The following WBP4 variants were observed in gnomAD, a reference collection of about 807,000 sequenced individuals.
The protein encoded by WBP4 is WW domain binding protein 4, also known as WW domain-binding protein 4.
A neutral mutation model predicts 55.4 loss-of-function variants in WBP4; 37 were observed. That is an observed-to-expected ratio of 0.67 (90% CI 0.51 to 0.88). The LOEUF (loss-of-function observed/expected upper bound fraction) is 0.88, where lower values mean the gene tolerates loss of function less well. WBP4 is among the 40% of genes least tolerant of loss of function. The probability of loss-of-function intolerance (pLI) is 0.00; values close to 1 mark genes in which losing one functional copy is unlikely to be tolerated. For synonymous variants in WBP4, 142 were observed against 140.2 expected, an observed-to-expected ratio of 1.01 and a Z score of -0.09; for missense variants, 398 against 420.8, an observed-to-expected ratio of 0.95 and a Z score of 0.47.
chr13:41,073,918 C>T (rs972234451), intron 7 of WBP4, among the ~76,000 whole-genome samples: 5 of 151,862 alleles, frequency 3.3e-5, no homozygotes, highest in Admixed American at 2.6e-4. Flanking sequence ...TGCATAAATA[C>T]TAATTGTTAT....
intron 8 of WBP4, among the ~76,000 whole-genome samples, chr13:41,079,758 C>A (rs1439037479): frequency 6.6e-6 from 1 of 152,126 alleles, no homozygotes; most frequent in African/African-American, 2.4e-5. Context: ...AAGATACTTG[C>A]ACTCATATAT....
At chr13:41,064,393 G>C (rs1877850714) in intron 2 of WBP4, among the ~76,000 whole-genome samples, 1 of 152,090 alleles carries the variant, frequency 6.6e-6, no homozygotes, top group South Asian at 2.1e-4. Context: ...TATATCTATA[G>C]AATAAATTAC....
Position 41,065,213 on chromosome 13 carries a change from A to T in WBP4, c.188A>T (p.Lys63Met), listed in dbSNP as rs1305124955. ...DKAKEEEKAS[K>M]EFAAMEAAAL... ...GCAAAGGAAGAAGAAAAGGCATCAA[A>T]GGAGTTTGCTGCAATGGAGGCAGCT... Residue 63 changes from lysine to methionine, a missense_variant, in exon 4 of 10, where the codon AAG (lysine) becomes ATG (methionine). Coordinates refer to ENST00000379487, the MANE Select transcript of WBP4 (RefSeq NM_007187.5). 2.5e-6 allele frequency: 4 copies of T among 1,612,782 alleles called. No individual in the cohort carries two copies. In the African/African-American group the frequency reaches 5.3e-5, roughly 22 times the overall value.
intron 8 of WBP4, among the ~76,000 whole-genome samples, chr13:41,076,721 C>G (rs535961542): frequency 6.6e-6 from 1 of 152,304 alleles, no homozygotes; most frequent in Admixed American, 6.5e-5. Flanking sequence ...ACATTATTAG[C>G]ATTGAGCAAT....
chr13:41,083,177 G>C lies in WBP4; in HGVS notation c.*263G>C. 1 of 317,470 alleles carries C rather than the reference G, an allele frequency of 3.1e-6. No homozygotes were observed. Among genetic ancestry groups the C allele is most frequent in the Non-Finnish European group, 5.9e-6 (1 of 170,860 alleles). 19.7% of individuals were successfully genotyped at this position (317,470 alleles called of 1,614,324 possible). A position where few individuals can be genotyped will look rare whatever the true frequency, so the allele number is the denominator to read the frequency against. ...ATTAAGTCATAATTTAAGATGCTAT[G>C]TATCTGTTATTTAAAACATGGAGAA... On this transcript the variant is annotated 3_prime_UTR_variant, in exon 10 of 10. Coordinates refer to ENST00000379487, the MANE Select transcript of WBP4 (RefSeq NM_007187.5).
At chr13:41,069,174 A>G (rs1237938951) in intron 5 of WBP4, among the ~76,000 whole-genome samples, 2 of 152,154 alleles carry the variant, frequency 1.3e-5, no homozygotes, top group Non-Finnish European at 2.9e-5. Flanking sequence ...TTGATTTGAT[A>G]TTGTTACTGA....
chr13:41,068,546 C>G lies in WBP4; in HGVS notation c.263-15C>G. 1 of 1,576,430 alleles carries G rather than the reference C, an allele frequency of 6.3e-7. No homozygotes were observed. The highest frequency in any genetic ancestry group is 8.6e-7 in the Non-Finnish European group (1 of 1,165,018). On this transcript the variant is annotated splice_polypyrimidine_tract_variant and intron_variant, in intron 4 of 9. Coordinates refer to ENST00000379487, the MANE Select transcript of WBP4 (RefSeq NM_007187.5). The stretch of plus-strand genomic sequence containing the variant: ...TAGTTACTATAGCTGCTTTACCCTT[C>G]TCTCATCTCTTTAGAAATTTTGGAG...
intron 2 of WBP4, among the ~76,000 whole-genome samples, chr13:41,063,398 C>A (rs868041390): frequency 1.3e-5 from 2 of 152,272 alleles, no homozygotes; most frequent in Non-Finnish European, 1.5e-5. Flanking sequence ...GAATAGTAGT[C>A]TCATATTTTA....
chr13:41,062,083 G>T (rs1272411256), intron 1 of WBP4: 2 of 973,276 alleles, frequency 2.1e-6, no homozygotes, highest in African/African-American at 3.6e-5. Flanking sequence ...GGCCAGCCCT[G>T]GATAGCGTAA....
chr13:41,070,809 G>A (rs1157138017), intron 5 of WBP4, among the ~76,000 whole-genome samples: 1 of 152,136 alleles, frequency 6.6e-6, no homozygotes, highest in Non-Finnish European at 1.5e-5. Context: ...AAGAATGCTA[G>A]GAAGGTAGGA....
intron 7 of WBP4, among the ~76,000 whole-genome samples, chr13:41,073,730 C>G (rs972204915): frequency 9.9e-5 from 15 of 151,872 alleles, no homozygotes; most frequent in African/African-American, 3.6e-4. Context: ...TCACTTGAAC[C>G]CAGGAGGTAG....
intron 5 of WBP4, among the ~76,000 whole-genome samples, chr13:41,069,036 T>A (rs1878113867): frequency 6.6e-6 from 1 of 152,156 alleles, no homozygotes; most frequent in Non-Finnish European, 1.5e-5. Flanking sequence ...AATAAAGAAT[T>A]TTGCATAGAA....
intron 1 of WBP4, 71 bp downstream of exon 1, chr13:41,061,746 C>T (rs1877653070): frequency 1.9e-6 from 3 of 1,605,398 alleles, no homozygotes; most frequent in South Asian, 1.1e-5. Flanking sequence ...CCCGGGTCTT[C>T]CCCTCCTCTC....
intron 8 of WBP4, among the ~76,000 whole-genome samples, chr13:41,076,711 A>G (rs985173565): frequency 1.3e-5 from 2 of 152,220 alleles, no homozygotes; most frequent in African/African-American, 4.8e-5. Flanking sequence ...CAGAGGAGAC[A>G]CATTATTAGC....
chr13:41,070,273 C>T (rs1039981413), intron 5 of WBP4, among the ~76,000 whole-genome samples: 4 of 151,994 alleles, frequency 2.6e-5, no homozygotes, highest in Admixed American at 1.3e-4. Flanking sequence ...GTATTCCTGG[C>T]GCCTAACATA....
At position 41,062,300 on chromosome 13, in the gene WBP4, G is replaced by C. The variant is rs1270459325; in HGVS notation, c.3-344G>C. ...AAGGCAAACTTTATGAGTTTCTTCA[G>C]GTTTCCATTACAGCAACCTCCCCCA... On this transcript the variant is annotated intron_variant, in intron 1 of 9. Transcript: ENST00000379487. The C allele has an allele frequency of 1.5e-5, 15 of 983,868 alleles. 1 individual carries two copies. Among genetic ancestry groups the C allele is most frequent in the Non-Finnish European group, 1.6e-5 (13 of 829,014 alleles). 60.9% of individuals were successfully genotyped at this position (983,868 alleles called of 1,614,324 possible).
rs1410760742 is a variant in WBP4 at position 41,082,910 on chromosome 13, A to T, written c.1127A>T (p.Gln376Leu). 5.6e-6 allele frequency: 9 copies of T among 1,614,012 alleles called. No homozygotes were observed. The highest frequency in any genetic ancestry group is 7.6e-6 in the Non-Finnish European group (9 of 1,179,964). Residue 376 changes from glutamine to leucine, a missense_variant, in exon 10 of 10, where the codon CAA (glutamine) becomes CTA (leucine). Coordinates refer to ENST00000379487, the MANE Select transcript of WBP4 (RefSeq NM_007187.5). The stretch of plus-strand genomic sequence containing the variant: ...AATTTAAGGCAACGAGGTGATGATC[A>T]ATAGTTGCAGGAGAGCTTTTTGTAC... Reference protein sequence around the residue: ...SRNLRQRGDDQ With the variant: ...SRNLRQRGDDL
In WBP4 at chr13:41,068,549, T is replaced by C. The variant is rs1330876510; in HGVS notation, c.263-12T>C. The C allele has an allele frequency of 2.5e-6, 4 of 1,582,728 alleles. No individual in the cohort carries two copies. The highest frequency in any genetic ancestry group is 1.7e-6 in the Non-Finnish European group (2 of 1,168,004). ...TTACTATAGCTGCTTTACCCTTCTC[T>C]CATCTCTTTAGAAATTTTGGAGCCA... On this transcript the variant is annotated splice_polypyrimidine_tract_variant and intron_variant, in intron 4 of 9. Transcript: ENST00000379487.
chr13:41,078,240 T>C (rs1227550392), intron 8 of WBP4, among the ~76,000 whole-genome samples: 1 of 152,188 alleles, frequency 6.6e-6, no homozygotes, highest in Non-Finnish European at 1.5e-5. Context: ...GGCCTCAGAC[T>C]ATATTCCAAG....
Sources: allele counts gnomAD v4.1 joint callset (sites outside exome capture counted in the v4.1 genomes callset), GRCh38; gene constraint gnomAD v4.1.1; transcripts MANE v1.5; gene names NCBI Gene and HGNC (gene_info 2026-07-23, HGNC 2026-07-21).